Variants in NR5A1 observed in about 807,000 individuals in gnomAD.
NR5A1 encodes the protein nuclear receptor subfamily 5 group A member 1.
Under a neutral mutation model 42.7 loss-of-function variants are expected in NR5A1, and 6 were observed. The observed-to-expected ratio is 0.14, with a 90% CI of 0.08 to 0.28. The LOEUF is 0.28. Among genes scored for constraint, NR5A1 ranks in the 10% least tolerant of loss-of-function variants. NR5A1 has a pLI of 1.00. For synonymous variants in NR5A1, 274 were observed against 277.5 expected (o/e 0.99, Z 0.12); for missense variants, 442 against 626.4 (o/e 0.71, Z 3.14).
chr9:124,499,987 A>G, intron 4 of NR5A1, 103 bp downstream of exon 4: 1 of 1,569,774 alleles, frequency 6.4e-7, no homozygotes, highest in Non-Finnish European at 8.7e-7. Flanking sequence ...TACTGCCTGA[A>G]GCCAGTGGGA....
chr9:124,483,863 C>A (rs1436764382), intron 6 of NR5A1, among the ~76,000 whole-genome samples: 1 of 152,198 alleles, frequency 6.6e-6, no homozygotes, highest in Admixed American at 6.5e-5. Context: ...AACAGACAGG[C>A]TCCAGTACCC....
At chr9:124,497,387 C>T (rs888532837) in intron 4 of NR5A1, among the ~76,000 whole-genome samples, 7 of 152,182 alleles carry the variant, frequency 4.6e-5, no homozygotes, top group African/African-American at 9.7e-5. Context: ...GTGCTACTAT[C>T]GAATCTACCA....
At chr9:124,484,335 C>T (rs1330543487) in intron 6 of NR5A1, among the ~76,000 whole-genome samples, 4 of 152,220 alleles carry the variant, frequency 2.6e-5, no homozygotes, top group Non-Finnish European at 4.4e-5. Context: ...GAGTCGTGTG[C>T]AATAGGCAGA....
At chr9:124,494,144 G>GCCACCATCGAC (rs955635121) in intron 4 of NR5A1, among the ~76,000 whole-genome samples, 5 of 152,320 alleles carry the variant, frequency 3.3e-5, no homozygotes, top group South Asian at 4.1e-4. Context: ...TCACCAGCTG[G>GCCACCATCGAC]CCACCATCGA....
chr9:124,494,115 C>A (rs143390935), intron 4 of NR5A1, among the ~76,000 whole-genome samples: 2 of 152,338 alleles, frequency 1.3e-5, no homozygotes, highest in East Asian at 3.9e-4. Flanking sequence ...ACAGCCCCAT[C>A]CCTCTCAGCC....
Position 124,491,209 on chromosome 9 carries a change from G to T in NR5A1, c.1010C>A (p.Ala337Asp). 6.2e-7 allele frequency: 1 copy of T among 1,606,002 alleles called. No homozygotes were observed. Among genetic ancestry groups the T allele is most frequent in the Admixed American group, 1.7e-5 (1 of 59,714 alleles). ...GTGCAGCAGCGAGCCCGCCTGGGTG[G>T]CCACTGTGGTCAGCTCCACCTGGGG... ...TGQEVELTTV[A>D]TQAGSLLHSL... is the part of the protein sequence containing the mutation. Residue 337 changes from alanine to aspartate, a missense_variant, in exon 6 of 7, where the codon GCC becomes GAC. Physicochemically the swap from Ala to Asp is moderately radical, Grantham distance 126. Coordinates refer to ENST00000373588, the MANE Select transcript of NR5A1 (RefSeq NM_004959.5).
At position 124,503,443 on chromosome 9, in the gene NR5A1, C is replaced by A; in HGVS notation, c.-15-33G>T. ...GGGACAGCGGGTCAGGGAGGGCCGGCGGAGACCGGCAGCCTGGGGTCCCCG... is the reference window on the plus strand; with the variant it reads ...GGGACAGCGGGTCAGGGAGGGCCGGAGGAGACCGGCAGCCTGGGGTCCCCG... On this transcript the variant is annotated intron_variant, in intron 1 of 6. Coordinates refer to ENST00000373588, the MANE Select transcript of NR5A1 (RefSeq NM_004959.5). This position sits in a 1 kb window ranked among gnomAD's most constrained non-coding sequence, Gnocchi z 9.6. The A allele has an allele frequency of 1.3e-6, 2 of 1,546,094 alleles. No homozygotes were observed. Among genetic ancestry groups the A allele is most frequent in the Non-Finnish European group, 1.8e-6 (2 of 1,142,024 alleles).
In NR5A1 at chr9:124,498,162, G is replaced by A. The variant is rs918481091; in HGVS notation, c.870+1928C>T. Among the ~76,000 whole-genome samples, 12 of 152,064 alleles carry A rather than the reference G, an allele frequency of 7.9e-5. No homozygotes were observed. The highest frequency in any genetic ancestry group is 6.2e-4 in the South Asian group (3 of 4,820). ...TGAATGATCAGCTAGAAGAGACGCC[G>A]GAGTCACCCACACCCCTCCCACTTT... is the stretch of plus-strand genomic sequence containing the variant. On this transcript the variant is annotated intron_variant, in intron 4 of 6. Transcript: ENST00000373588. The surrounding 1 kb of genome is among the most constrained non-coding windows in gnomAD (Gnocchi z 4.6).
chr9:124,498,407 A>C lies in NR5A1; in HGVS notation c.870+1683T>G, dbSNP rs1832417493. Among the ~76,000 whole-genome samples the C allele has an allele frequency of 6.6e-6, 1 of 152,216 alleles. No individual in the cohort carries two copies. The highest frequency in any genetic ancestry group is 1.5e-5 in the Non-Finnish European group (1 of 68,038). ...AGCAGGAAGGTTTGGACCACGGAGA[A>C]GCCAGAAGCAGGAAAAAACACTCAG... is the stretch of plus-strand genomic sequence containing the variant. On this transcript the variant is annotated intron_variant, in intron 4 of 6. Transcript: ENST00000373588. The surrounding 1 kb of genome is among the most constrained non-coding windows in gnomAD (Gnocchi z 4.6).
Position 124,486,754 on chromosome 9 carries a change from T to C in NR5A1, c.1139-3749A>G, listed in dbSNP as rs189400898. Among the ~76,000 whole-genome samples the C allele has an allele frequency of 6.5e-3, 997 of 152,282 alleles. 13 individuals are homozygous for C. Among genetic ancestry groups the C allele is most frequent in the Non-Finnish European group, 7.7e-3 (527 of 68,022 alleles). ...TGTGAAGATTCCAGCGGATAACACA[T>C]GTGACGGTGCCAGCAACGCACAGAA... On this transcript the variant is annotated intron_variant, in intron 6 of 6. Coordinates refer to ENST00000373588, the MANE Select transcript of NR5A1 (RefSeq NM_004959.5).
Position 124,491,211 on chromosome 9 carries a change from C to T in NR5A1, c.1008G>A (p.Val336=). 1 of 1,605,502 alleles carries T rather than the reference C, an allele frequency of 6.2e-7. No individual in the cohort carries two copies. Among genetic ancestry groups the T allele is most frequent in the Non-Finnish European group, 8.5e-7 (1 of 1,176,074 alleles). ...GCAGCAGCGAGCCCGCCTGGGTGGCCACTGTGGTCAGCTCCACCTGGGGGC... is the reference window on the plus strand; with the variant it reads ...GCAGCAGCGAGCCCGCCTGGGTGGCTACTGTGGTCAGCTCCACCTGGGGGC... ...VTGQEVELTT[V]ATQAGSLLHS... Residue 336 remains valine (V), a synonymous_variant, in exon 6 of 7, where the codon GTG becomes GTA. Coordinates refer to ENST00000373588, the MANE Select transcript of NR5A1 (RefSeq NM_004959.5).
intron 4 of NR5A1, among the ~76,000 whole-genome samples, chr9:124,493,590 C>G (rs1403961678): frequency 6.6e-6 from 1 of 152,196 alleles, no homozygotes; most frequent in Non-Finnish European, 1.5e-5. Flanking sequence ...ATTTAAAAGC[C>G]TGTGGTCGGT....
At chr9:124,493,971 C>G (rs1012950346) in intron 4 of NR5A1, among the ~76,000 whole-genome samples, 3 of 152,164 alleles carry the variant, frequency 2.0e-5, no homozygotes, top group East Asian at 1.9e-4. Context: ...AAGAGACTCT[C>G]CCGGGATCAC....
At position 124,501,089 on chromosome 9, in the gene NR5A1, A is replaced by C; in HGVS notation, c.245-374T>G. 1.9e-6 allele frequency: 1 copy of C among 517,168 alleles called. No individual in the cohort carries two copies. 32.0% of individuals were successfully genotyped at this position (517,168 alleles called of 1,614,324 possible). On this transcript the variant is annotated intron_variant, in intron 3 of 6. Transcript: ENST00000373588. This position sits in a 1 kb window ranked among gnomAD's most constrained non-coding sequence, Gnocchi z 4.1. ...ACTTCCAGGAAGCACTCCTGGATTCATGCAAACGGGCTCTACTGTCCTTGC... is the reference window on the plus strand; with the variant it reads ...ACTTCCAGGAAGCACTCCTGGATTCCTGCAAACGGGCTCTACTGTCCTTGC...
In NR5A1 at chr9:124,501,026, T is replaced by TC; in HGVS notation, c.245-312dup. On this transcript the variant is annotated intron_variant, in intron 3 of 6. Coordinates refer to ENST00000373588, the MANE Select transcript of NR5A1 (RefSeq NM_004959.5). The surrounding 1 kb of genome is among the most constrained non-coding windows in gnomAD (Gnocchi z 4.1). ...TCCTTCTGACTCAAACTTTTTTTTTTCTCTTGTGCTTGCTGAACACCCAGC... is the reference window on the plus strand; with the variant it reads ...TCCTTCTGACTCAAACTTTTTTTTTTCCTCTTGTGCTTGCTGAACACCCAGC... 1.5e-6 allele frequency: 1 copy of TC among 654,044 alleles called. No homozygotes were observed. The highest frequency in any genetic ancestry group is 2.9e-6 in the Non-Finnish European group (1 of 344,274). The allele number at this position is 654,044 out of a possible 1,614,324, so 40.5% of individuals were successfully genotyped here. A position where few individuals can be genotyped will look rare whatever the true frequency, so the allele number is the denominator to read the frequency against.
chr9:124,503,212 G>A lies in NR5A1; in HGVS notation c.111C>T (p.Phe37=), dbSNP rs1224811906. 1.2e-6 allele frequency: 2 copies of A among 1,604,598 alleles called. No individual in the cohort carries two copies. Among genetic ancestry groups the A allele is most frequent in the African/African-American group, 1.3e-5 (1 of 74,708 alleles). ...LLTCESCKGF[F]KRTVQNNKHY... is the part of the protein sequence containing the mutation. ...GCTTGTTGTTCTGCACCGTGCGCTTGAAGAAGCCCTGCGGGAGCTGAGAGT... is the reference window on the plus strand; with the variant it reads ...GCTTGTTGTTCTGCACCGTGCGCTTAAAGAAGCCCTGCGGGAGCTGAGAGT... Residue 37 remains phenylalanine, a synonymous_variant, in exon 3 of 7, where the codon TTC becomes TTT. Coordinates refer to ENST00000373588, the MANE Select transcript of NR5A1 (RefSeq NM_004959.5). This position sits in a 1 kb window ranked among gnomAD's most constrained non-coding sequence, Gnocchi z 9.6.
In NR5A1 at chr9:124,501,985, G is replaced by A. The variant is rs1050408527; in HGVS notation, c.244+1094C>T. ...AGGCAAAGAGGGGCCTGGGTTTCTT[G>A]GGGGCAATTCAATTGTCCCCCACTG... On this transcript the variant is annotated intron_variant, in intron 3 of 6. Coordinates refer to ENST00000373588, the MANE Select transcript of NR5A1 (RefSeq NM_004959.5). This position sits in a 1 kb window ranked among gnomAD's most constrained non-coding sequence, Gnocchi z 4.1. Among the ~76,000 whole-genome samples, 1 of 152,184 alleles carries A rather than the reference G, an allele frequency of 6.6e-6. No individual in the cohort carries two copies. The highest frequency in any genetic ancestry group is 2.4e-5 in the African/African-American group (1 of 41,434).
chr9:124,500,528 C>A lies in NR5A1; in HGVS notation c.432G>T (p.Leu144=), dbSNP rs1564152571. The part of the protein sequence containing the change: ...PAPDYVLPPS[L]HGPEPKGLAA... ...CCAGGCCCTTGGGCTCAGGCCCATG[C>A]AGGCTGGGAGGCAGCACGTAGTCCG... The change falls in exon 4 of 7, where the codon CTG becomes CTT. Residue 144 remains leucine, a synonymous_variant. Transcript: ENST00000373588. This position sits in a 1 kb window ranked among gnomAD's most constrained non-coding sequence, Gnocchi z 6.9. 2 of 1,608,068 alleles carry A rather than the reference C, an allele frequency of 1.2e-6. No individual in the cohort carries two copies.
intron 5 of NR5A1, among the ~76,000 whole-genome samples, chr9:124,491,820 G>A (rs1588617977): frequency 6.6e-6 from 1 of 152,042 alleles, no homozygotes; most frequent in East Asian, 1.9e-4. Context: ...CACATTTACG[G>A]GTTGATGGGA....
Sources: gnomAD v4.1 joint callset for allele counts (sites outside exome capture counted in the v4.1 genomes callset) on GRCh38, gnomAD v4.1.1 for gene constraint, Gnocchi (gnomAD v3.1) non-coding constraint, MANE v1.5 for transcripts, NCBI Gene and HGNC (gene_info 2026-07-23, HGNC 2026-07-21) for gene names.